CCDC7: variants seen among roughly 807,000 people sequenced by gnomAD.
The protein encoded by CCDC7 is coiled-coil domain containing 7, also known as coiled-coil domain-containing protein 7.
In CCDC7, 183 loss-of-function variants were observed where a neutral mutation model predicts 196.9. That is an observed-to-expected ratio of 0.93 (90% CI 0.82 to 1.05). The LOEUF (loss-of-function observed/expected upper bound fraction) is 1.05, where lower values mean the gene tolerates loss of function less well. Ranked by LOEUF, CCDC7 falls within the 50% of genes least tolerant of loss-of-function variation. CCDC7 has a pLI of 0.00. For synonymous variants in CCDC7, 525 were observed against 484.6 expected (o/e 1.08, Z -1.10); for missense variants, 1,540 against 1,482.2 (o/e 1.04, Z -0.64).
intron 29 of CCDC7, among the ~76,000 whole-genome samples, chr10:32,802,642 G>T (rs534291627): frequency 3.5e-4 from 54 of 152,252 alleles, no homozygotes; most frequent in African/African-American, 1.3e-3. Context: ...TCCTCAGTAG[G>T]CCATCTGCAA....
intron 18 of CCDC7, among the ~76,000 whole-genome samples, chr10:32,611,541 T>C (rs1229778013): frequency 6.6e-6 from 1 of 152,246 alleles, no homozygotes; most frequent in Non-Finnish European, 1.5e-5. Context: ...TTCTAGGGTT[T>C]TTATGGTTTT....
At chr10:32,778,246 T>C (rs148316742) in intron 28 of CCDC7, among the ~76,000 whole-genome samples, 5,897 of 152,318 alleles carry the variant, frequency 0.039, 122 homozygotes, top group Middle Eastern at 0.051. Flanking sequence ...GAGATAGCCA[T>C]ACATTCTTTG....
In CCDC7 at chr10:32,511,615, C is replaced by A. The variant is rs927319373; in HGVS notation, c.873-6330C>A. On this transcript the variant is annotated intron_variant, in intron 9 of 41. Coordinates refer to ENST00000639629, the Ensembl canonical transcript of CCDC7. The stretch of plus-strand genomic sequence containing the variant: ...CAAGTGGATCCAACTTCTGCAACAA[C>A]TCATTTCTAGAAACAGACATCGTGG... The A allele has an allele frequency of 1.2e-5, 19 of 1,590,312 alleles. No homozygotes were observed. In the Admixed American group the frequency reaches 2.7e-4, roughly 22 times the overall value.
intron 28 of CCDC7, among the ~76,000 whole-genome samples, chr10:32,762,039 G>A (rs1259286146): frequency 6.6e-6 from 1 of 151,968 alleles, no homozygotes; most frequent in African/African-American, 2.4e-5. Flanking sequence ...TCCACATATT[G>A]GGTAGGGAAA....
intron 20 of CCDC7, among the ~76,000 whole-genome samples, chr10:32,656,718 C>T (rs1317973752): frequency 6.6e-6 from 1 of 152,130 alleles, no homozygotes; most frequent in Non-Finnish European, 1.5e-5. Context: ...ATCATTCCAC[C>T]CGGCCCCTCC....
intron 20 of CCDC7, among the ~76,000 whole-genome samples, chr10:32,659,965 C>T (rs1417221646): frequency 1.3e-5 from 2 of 152,092 alleles, no homozygotes; most frequent in African/African-American, 4.8e-5. Flanking sequence ...CCAGCAATCC[C>T]GTTACTGGGT....
intron 11 of CCDC7, among the ~76,000 whole-genome samples, chr10:32,539,408 G>A (rs1024821016): frequency 6.6e-6 from 1 of 151,866 alleles, no homozygotes; most frequent in Non-Finnish European, 1.5e-5. Flanking sequence ...TGTTTATCAG[G>A]ATCTTCTCTC....
chr10:32,657,617 G>A (rs1280983852), intron 20 of CCDC7, among the ~76,000 whole-genome samples: 1 of 152,194 alleles, frequency 6.6e-6, no homozygotes, highest in Admixed American at 6.5e-5. Flanking sequence ...GCCTGATCCA[G>A]GAAACCATTT....
chr10:32,822,573 A>C (rs2090439347), intron 31 of CCDC7, among the ~76,000 whole-genome samples: 1 of 152,152 alleles, frequency 6.6e-6, no homozygotes, highest in African/African-American at 2.4e-5. Flanking sequence ...CATTGTCCTT[A>C]ATATTTACAG....
intron 25 of CCDC7, 68 bp downstream of exon 26, chr10:32,711,798 T>A (rs549781977): frequency 2.4e-6 from 2 of 834,988 alleles, no homozygotes; most frequent in East Asian, 3.1e-5. Flanking sequence ...TTTTCTTTGG[T>A]TCATACTTAC....
intron 20 of CCDC7, among the ~76,000 whole-genome samples, chr10:32,651,336 A>G (rs2068721379): frequency 6.6e-6 from 1 of 151,434 alleles, no homozygotes; most frequent in South Asian, 2.1e-4. Context: ...ATTCAGCCTC[A>G]GCATGTGAGT....
At chr10:32,542,885 A>G (rs1206362526) in intron 11 of CCDC7, among the ~76,000 whole-genome samples, 1 of 152,120 alleles carries the variant, frequency 6.6e-6, no homozygotes, top group Admixed American at 6.5e-5. Context: ...TGTGTACTAT[A>G]GTACTGTTTT....
chr10:32,849,540 T>C (rs955952295), intron 39 of CCDC7, among the ~76,000 whole-genome samples: 9 of 151,344 alleles, frequency 5.9e-5, no homozygotes, highest in Non-Finnish European at 3.0e-5. Context: ...CTGTCTCTAC[T>C]AAAAATACAA....
intron 31 of CCDC7, among the ~76,000 whole-genome samples, chr10:32,820,093 A>G (rs2089844485): frequency 6.6e-6 from 1 of 152,226 alleles, no homozygotes; most frequent in Admixed American, 6.5e-5. Context: ...AAATCTCCTT[A>G]AGCTGAGAGG....
chr10:32,631,436 C>T (rs2064843513), intron 18 of CCDC7, among the ~76,000 whole-genome samples: 1 of 152,066 alleles, frequency 6.6e-6, no homozygotes, highest in Non-Finnish European at 1.5e-5. Flanking sequence ...TCTTAGTGCT[C>T]TTGTAGAAAA....
intron 32 of CCDC7, among the ~76,000 whole-genome samples, chr10:32,828,008 T>G (rs888836603): frequency 6.6e-6 from 1 of 152,174 alleles, no homozygotes; most frequent in Non-Finnish European, 1.5e-5. Flanking sequence ...GGCTGCTACC[T>G]GTGAGGCTTC....
At chr10:32,758,352 T>G (rs753901747) in intron 28 of CCDC7, among the ~76,000 whole-genome samples, 2 of 152,158 alleles carry the variant, frequency 1.3e-5, no homozygotes, top group African/African-American at 2.4e-5. Context: ...AAATCCTCAA[T>G]GAAATACTGG....
At chr10:32,761,929 C>A (rs1035729397) in intron 28 of CCDC7, among the ~76,000 whole-genome samples, 1 of 151,892 alleles carries the variant, frequency 6.6e-6, no homozygotes, top group Non-Finnish European at 1.5e-5. Flanking sequence ...TTTTCTCTCT[C>A]CCACAGATGC....
chr10:32,681,736 TATACAC>T (rs1591538578), intron 21 of CCDC7, among the ~76,000 whole-genome samples: 1 of 100,126 alleles, frequency 1.0e-5, no homozygotes, highest in East Asian at 3.4e-4. Context: ...TATTTATATG[TATACAC>T]ACACACACAC....
Sources: allele counts gnomAD v4.1 joint callset (sites outside exome capture counted in the v4.1 genomes callset), GRCh38; gene constraint gnomAD v4.1.1; transcripts MANE v1.5; gene names NCBI Gene and HGNC (gene_info 2026-07-23, HGNC 2026-07-21).